PID1: variants seen among roughly 807,000 people sequenced by gnomAD.
PID1 encodes phosphotyrosine interaction domain containing 1.
In PID1, 10 loss-of-function variants were observed where a neutral mutation model predicts 19.1. The ratio of observed to expected loss-of-function variants is 0.52; its 90% CI spans 0.32 to 0.89. The LOEUF (loss-of-function observed/expected upper bound fraction) is 0.89. Ranked by LOEUF, PID1 falls within the 40% of genes least tolerant of loss-of-function variation. The probability of loss-of-function intolerance (pLI) is 0.03; values close to 1 mark genes in which losing one functional copy is unlikely to be tolerated. For missense variants in PID1, 248 were observed against 285.3 expected, an observed-to-expected ratio of 0.87 and a Z score of 0.94; for synonymous variants, 130 against 116.0, an observed-to-expected ratio of 1.12 and a Z score of -0.78.
intron 1 of PID1, among the ~76,000 whole-genome samples, chr2:229,164,619 A>G (rs1298023810): frequency 6.6e-6 from 1 of 152,220 alleles, no homozygotes; most frequent in African/African-American, 2.4e-5. Flanking sequence ...ATGAACAGGG[A>G]TGACCCTCCT....
At chr2:229,052,946 ACTT>A (rs1694025262) in intron 2 of PID1, among the ~76,000 whole-genome samples, 1 of 152,206 alleles carries the variant, frequency 6.6e-6, no homozygotes, top group Admixed American at 6.5e-5. Context: ...GTCTCAAATG[ACTT>A]CTATTATTCT....
chr2:229,240,669 T>C (rs1689845494), intron 1 of PID1, among the ~76,000 whole-genome samples: 1 of 152,154 alleles, frequency 6.6e-6, no homozygotes, highest in African/African-American at 2.4e-5. Flanking sequence ...TTGACTATGA[T>C]TTGCCTAAAA....
At chr2:229,026,295 T>A (rs1345293880) in intron 2 of PID1, among the ~76,000 whole-genome samples, 187 bp from the exon 3 acceptor site, 1 of 152,244 alleles carries the variant, frequency 6.6e-6, no homozygotes, top group Non-Finnish European at 1.5e-5. Context: ...GTTGCCTACT[T>A]GGCAAATGTA....
intron 1 of PID1, among the ~76,000 whole-genome samples, chr2:229,207,040 G>A (rs982919412): frequency 8.5e-5 from 13 of 152,098 alleles, no homozygotes; most frequent in African/African-American, 2.7e-4. Context: ...TTATGGCTTC[G>A]TAGACCAATA....
chr2:229,144,640 T>C (rs1430746587), intron 2 of PID1, among the ~76,000 whole-genome samples: 1 of 152,132 alleles, frequency 6.6e-6, no homozygotes, highest in Non-Finnish European at 1.5e-5. Flanking sequence ...TAGTCATTAT[T>C]GGCCTAAATC....
At chr2:229,226,452 G>A (rs1363503434) in intron 1 of PID1, among the ~76,000 whole-genome samples, 1 of 152,154 alleles carries the variant, frequency 6.6e-6, no homozygotes, top group Non-Finnish European at 1.5e-5. Context: ...TTGACTTGTT[G>A]ATGTCATATC....
intron 2 of PID1, among the ~76,000 whole-genome samples, chr2:229,116,039 C>T (rs1321233791): frequency 4.6e-5 from 7 of 151,918 alleles, no homozygotes; most frequent in African/African-American, 1.4e-4. Context: ...CTGGCTAACA[C>T]GGTAAAACCC....
At chr2:229,146,991 T>A (rs1160253557) in intron 2 of PID1, among the ~76,000 whole-genome samples, 1 of 152,220 alleles carries the variant, frequency 6.6e-6, no homozygotes. Context: ...GACTCCAGCC[T>A]CTAGCTCTAT....
intron 2 of PID1, among the ~76,000 whole-genome samples, chr2:229,037,762 G>T (rs893972268): frequency 2.6e-5 from 4 of 152,136 alleles, no homozygotes; most frequent in Non-Finnish European, 5.9e-5. Flanking sequence ...TGACAGGTCT[G>T]ATACCTCTCC....
At chr2:229,066,324 T>C (rs976529735) in intron 2 of PID1, among the ~76,000 whole-genome samples, 3 of 152,106 alleles carry the variant, frequency 2.0e-5, no homozygotes, top group African/African-American at 4.8e-5. Context: ...GGCAATTCAA[T>C]ACAAATTGCC....
intron 2 of PID1, among the ~76,000 whole-genome samples, chr2:229,064,652 T>C (rs969304401): frequency 3.3e-5 from 5 of 152,142 alleles, no homozygotes; most frequent in African/African-American, 1.2e-4. Context: ...AGCATATTTG[T>C]TTGTGTTTTT....
chr2:229,150,008 C>T (rs760442524), intron 2 of PID1, among the ~76,000 whole-genome samples: 4 of 152,002 alleles, frequency 2.6e-5, no homozygotes, highest in Non-Finnish European at 2.9e-5. Context: ...GAGGCCGAGG[C>T]GGGTGGATCA....
intron 2 of PID1, among the ~76,000 whole-genome samples, chr2:229,144,090 A>G (rs1255577140): frequency 6.6e-6 from 1 of 152,182 alleles, no homozygotes; most frequent in African/African-American, 2.4e-5. Context: ...AATTAATTCC[A>G]GTCTACATTT....
intron 2 of PID1, among the ~76,000 whole-genome samples, chr2:229,098,278 C>T (rs1389433362): frequency 6.6e-6 from 1 of 152,150 alleles, no homozygotes; most frequent in Non-Finnish European, 1.5e-5. Flanking sequence ...GATAGACAAG[C>T]ATTCCTTTTA....
intron 1 of PID1, among the ~76,000 whole-genome samples, chr2:229,174,605 C>A (rs532167337): frequency 6.6e-6 from 1 of 151,826 alleles, no homozygotes; most frequent in African/African-American, 2.4e-5. Flanking sequence ...CTCCCCCAAC[C>A]CATAAAATGT....
chr2:229,188,739 C>CA lies in PID1; in HGVS notation c.31-32776dup, dbSNP rs11313891. On this transcript the variant is annotated intron_variant, in intron 1 of 2. Coordinates refer to ENST00000392055, the MANE Select transcript of PID1 (RefSeq NM_001100818.2). ...GGGCAACAAGAGCGAAACTCCACCT[C>CA]AAAAAAAAAAAAAAAAGAGAGAGAG... 5.5e-5 allele frequency among the ~76,000 whole-genome samples: 7 copies of CA among 127,462 alleles called. No homozygotes were observed. The South Asian group carries it at 7.8e-4, about 14-fold the overall frequency. 83.6% of individuals were successfully genotyped at this position (127,462 alleles called of 152,430 possible). A position where few individuals can be genotyped will look rare whatever the true frequency, so the allele number is the denominator to read the frequency against.
intron 1 of PID1, among the ~76,000 whole-genome samples, chr2:229,166,798 T>A (rs1216740393): frequency 6.6e-6 from 1 of 152,148 alleles, no homozygotes. Flanking sequence ...ATGAAGATAG[T>A]GCTCATAAAA....
chr2:229,236,788 A>G (rs1226991), intron 1 of PID1, among the ~76,000 whole-genome samples: 47,217 of 152,000 alleles, frequency 0.31, 8,294 homozygotes, highest in East Asian at 0.67. Flanking sequence ...ATAAAGCCAC[A>G]GTAATTATCA....
At chr2:229,037,284 G>C (rs1244763632) in intron 2 of PID1, among the ~76,000 whole-genome samples, 1 of 152,080 alleles carries the variant, frequency 6.6e-6, no homozygotes, top group East Asian at 1.9e-4. Context: ...GGAGGAAAAA[G>C]CAAATTTACC....
Sources: gnomAD v4.1 joint callset for allele counts (sites outside exome capture counted in the v4.1 genomes callset) on GRCh38, gnomAD v4.1.1 for gene constraint, MANE v1.5 for transcripts, NCBI Gene and HGNC (gene_info 2026-07-23, HGNC 2026-07-21) for gene names.